Variants in FHIT observed in about 807,000 individuals in gnomAD.
FHIT encodes the protein bis(5'-adenosyl)-triphosphatase.
A neutral mutation model predicts 17.9 loss-of-function variants in FHIT; 19 were observed. The ratio of observed to expected loss-of-function variants is 1.06; its 90% CI spans 0.74 to 1.56. FHIT has a LOEUF of 1.56. FHIT is among the 40% of genes most tolerant of loss of function. The probability of loss-of-function intolerance (pLI) is 0.00; values close to 1 mark genes in which losing one functional copy is unlikely to be tolerated. For synonymous variants in FHIT, 81 were observed against 69.7 expected, an observed-to-expected ratio of 1.16 and a Z score of -0.81; for missense variants, 248 against 189.2, an observed-to-expected ratio of 1.31 and a Z score of -1.82.
intron 3 of FHIT, among the ~76,000 whole-genome samples, chr3:60,934,913 C>T (rs567986157): frequency 1.3e-5 from 2 of 152,302 alleles, no homozygotes; most frequent in Non-Finnish European, 2.9e-5. Context: ...GTTCATAACA[C>T]TGCACCCCGG....
At chr3:60,521,613 C>T (rs1043196864) in intron 5 of FHIT, among the ~76,000 whole-genome samples, 2 of 152,194 alleles carry the variant, frequency 1.3e-5, no homozygotes, top group African/African-American at 4.8e-5. Context: ...ACTTCCATAT[C>T]ACCTTGTTTT....
rs1325824060 is a variant in FHIT at position 60,390,418 on chromosome 3, AAAAAAAAAAAC to A, written c.103+146431_103+146441del. On this transcript the variant is annotated intron_variant, in intron 5 of 9. Coordinates refer to ENST00000492590, the MANE Select transcript of FHIT (RefSeq NM_002012.4). ...AGCTAAAAAAAAAAAAAAAAAAAAA[AAAAAAAAAAAC>A]CCGTACCCTCTAGTATTTATTACAA... 1.3e-3 allele frequency among the ~76,000 whole-genome samples: 166 copies of A among 130,844 alleles called. 9 individuals carry two copies. The highest frequency in any genetic ancestry group is 4.2e-3 in the African/African-American group (153 of 36,372). 85.8% of individuals were successfully genotyped at this position (130,844 alleles called of 152,430 possible).
At position 60,255,259 on chromosome 3, in the gene FHIT, G is replaced by A. The variant is rs140244277; in HGVS notation, c.104-241107C>T. Among the ~76,000 whole-genome samples, 19 of 152,204 alleles carry A rather than the reference G, an allele frequency of 1.2e-4. 1 individual carries two copies. In the East Asian group the frequency reaches 3.5e-3, roughly 28 times the overall value. On this transcript the variant is annotated intron_variant, in intron 5 of 9. Coordinates refer to ENST00000492590, the MANE Select transcript of FHIT (RefSeq NM_002012.4). ...CTATCACACCTCAGATGAGTATAAT[G>A]AGATGCGGGAATACATTTCAATACT...
chr3:60,047,385 A>G (rs534532490), intron 5 of FHIT, among the ~76,000 whole-genome samples: 1 of 152,214 alleles, frequency 6.6e-6, no homozygotes, highest in African/African-American at 2.4e-5. Context: ...ACATTTACAC[A>G]TATGGACACT....
intron 5 of FHIT, among the ~76,000 whole-genome samples, chr3:60,322,184 A>G (rs1709462695): frequency 6.6e-6 from 1 of 152,208 alleles, no homozygotes. Flanking sequence ...TGCCTGCTCA[A>G]TGTGTGGAAC....
intron 8 of FHIT, among the ~76,000 whole-genome samples, chr3:59,851,642 C>G (rs960896493): frequency 3.6e-4 from 55 of 152,186 alleles, no homozygotes; most frequent in African/African-American, 1.3e-3. Context: ...ACCCCTCAGT[C>G]AGGCTTATTA....
Position 60,127,381 on chromosome 3 carries a change from T to A in FHIT, c.104-113229A>T, listed in dbSNP as rs945034447. ...GTGATAATCTTCATGGCAGAAAAGT[T>A]GACAGGTCTATAAATGGCTTCTGCA... On this transcript the variant is annotated intron_variant, in intron 5 of 9. Transcript: ENST00000492590. Among the ~76,000 whole-genome samples, 7 of 152,286 alleles carry A rather than the reference T, an allele frequency of 4.6e-5. No individual in the cohort carries two copies. In the South Asian group the frequency reaches 8.3e-4, roughly 18 times the overall value.
At chr3:61,244,314 A>C (rs966332233) in intron 1 of FHIT, among the ~76,000 whole-genome samples, 5 of 152,220 alleles carry the variant, frequency 3.3e-5, no homozygotes, top group Admixed American at 2.6e-4. Flanking sequence ...CAAACAAATT[A>C]AAATTACATA....
intron 5 of FHIT, among the ~76,000 whole-genome samples, chr3:60,049,140 G>C (rs1020727833): frequency 6.6e-6 from 1 of 152,078 alleles, no homozygotes; most frequent in Admixed American, 6.6e-5. Flanking sequence ...ACGCATAGCT[G>C]TGTTTTTATG....
intron 2 of FHIT, among the ~76,000 whole-genome samples, chr3:61,106,045 C>T (rs746315456): frequency 2.6e-5 from 4 of 152,110 alleles, no homozygotes; most frequent in Non-Finnish European, 4.4e-5. Flanking sequence ...AGCTTTGGAA[C>T]CCCCTGATTA....
At chr3:60,278,633 G>A (rs1007127211) in intron 5 of FHIT, among the ~76,000 whole-genome samples, 2 of 151,844 alleles carry the variant, frequency 1.3e-5, no homozygotes, top group African/African-American at 2.4e-5. Context: ...CAAAAAATAC[G>A]AGCACACAGA....
intron 2 of FHIT, among the ~76,000 whole-genome samples, chr3:61,071,901 A>G (rs1172626351): frequency 6.6e-6 from 1 of 152,116 alleles, no homozygotes; most frequent in African/African-American, 2.4e-5. Context: ...TCTCAATGCA[A>G]ATGTTGTTTT....
intron 5 of FHIT, among the ~76,000 whole-genome samples, chr3:60,509,440 T>G (rs4679479): frequency 6.6e-6 from 1 of 152,200 alleles, no homozygotes; most frequent in Non-Finnish European, 1.5e-5. Context: ...AGATAATAAA[T>G]AGATGAATTA....
At chr3:59,870,581 A>C (rs1702872227) in intron 8 of FHIT, among the ~76,000 whole-genome samples, 1 of 152,264 alleles carries the variant, frequency 6.6e-6, no homozygotes, top group South Asian at 2.1e-4. Flanking sequence ...TAGAAGAGAG[A>C]ATTTGTGAAA....
chr3:61,200,490 A>G (rs554699623), intron 2 of FHIT, 127 bp downstream of exon 2: 1 of 152,762 alleles, frequency 6.5e-6, no homozygotes, highest in South Asian at 2.1e-4. Flanking sequence ...GAGGGAGGAC[A>G]AGCAGGTGGT....
At chr3:59,957,645 G>A (rs969993854) in intron 7 of FHIT, among the ~76,000 whole-genome samples, 1 of 152,166 alleles carries the variant, frequency 6.6e-6, no homozygotes, top group Admixed American at 6.5e-5. Flanking sequence ...AATGCACATT[G>A]ACCAAGTCAC....
chr3:60,355,011 C>G (rs757696935), intron 5 of FHIT, among the ~76,000 whole-genome samples: 2 of 152,068 alleles, frequency 1.3e-5, no homozygotes, highest in Admixed American at 6.5e-5. Flanking sequence ...TTAAAGAATC[C>G]TAAAACATAA....
chr3:61,131,097 T>C (rs1236526416), intron 2 of FHIT, among the ~76,000 whole-genome samples: 1 of 152,208 alleles, frequency 6.6e-6, no homozygotes, highest in Non-Finnish European at 1.5e-5. Context: ...TCCCAAATTG[T>C]TACCTCTACT....
chr3:60,441,724 TTG>T (rs869213940), intron 5 of FHIT, among the ~76,000 whole-genome samples: 1 of 63,014 alleles, frequency 1.6e-5, no homozygotes, highest in African/African-American at 6.9e-5. Flanking sequence ...ATATATATAT[TTG>T]TATTTATATA....
Sources: allele counts gnomAD v4.1 joint callset (sites outside exome capture counted in the v4.1 genomes callset), GRCh38; gene constraint gnomAD v4.1.1; transcripts MANE v1.5; gene names NCBI Gene and HGNC (gene_info 2026-07-23, HGNC 2026-07-21).